Variants in STX6 observed in about 807,000 individuals in gnomAD.
The protein encoded by STX6 is syntaxin-6.
In STX6, 23 loss-of-function variants were observed where a neutral mutation model predicts 38.0. The observed-to-expected ratio is 0.60, with a 90% CI of 0.43 to 0.86. The LOEUF (loss-of-function observed/expected upper bound fraction) is 0.86. Ranked by LOEUF, STX6 falls within the 40% of genes least tolerant of loss-of-function variation. The pLI, the probability that STX6 is intolerant of heterozygous loss-of-function variation, is 0.00. For synonymous variants in STX6, 123 were observed against 107.5 expected, an observed-to-expected ratio of 1.14 and a Z score of -0.89; for missense variants, 274 against 312.9, an observed-to-expected ratio of 0.88 and a Z score of 0.94.
intron 1 of STX6, among the ~76,000 whole-genome samples, chr1:181,011,579 T>G (rs1051833668): frequency 3.9e-5 from 6 of 152,224 alleles, no homozygotes; most frequent in African/African-American, 1.4e-4. Flanking sequence ...CCAGAACCAC[T>G]TGTAAGTACT....
chr1:180,985,306 C>T (rs952387917), intron 6 of STX6, among the ~76,000 whole-genome samples: 3 of 152,214 alleles, frequency 2.0e-5, no homozygotes, highest in African/African-American at 7.2e-5. Flanking sequence ...TACATTGCTA[C>T]CTTCGACAAC....
At chr1:181,010,660 T>C (rs562318572) in intron 1 of STX6, among the ~76,000 whole-genome samples, 1 of 152,070 alleles carries the variant, frequency 6.6e-6, no homozygotes, top group South Asian at 2.1e-4. Flanking sequence ...TTACTGTTAG[T>C]ACAAGCTGAT....
At chr1:180,984,474 A>G (rs895573096) in intron 7 of STX6, among the ~76,000 whole-genome samples, 1 of 151,940 alleles carries the variant, frequency 6.6e-6, no homozygotes, top group African/African-American at 2.4e-5. Context: ...TGAACCCAGG[A>G]GGCAGTGGAG....
At chr1:180,983,349 G>T (rs1655468237) in intron 7 of STX6, among the ~76,000 whole-genome samples, 1 of 152,158 alleles carries the variant, frequency 6.6e-6, no homozygotes, top group Non-Finnish European at 1.5e-5. Flanking sequence ...CACAAGGGAG[G>T]TGCTCTACAG....
Position 180,979,996 on chromosome 1 carries a change from T to C in STX6, c.692-3350A>G, listed in dbSNP as rs1571323554. 2.0e-5 allele frequency among the ~76,000 whole-genome samples: 3 copies of C among 151,994 alleles called. No homozygotes were observed. In the South Asian group the frequency reaches 6.2e-4, roughly 32 times the overall value. ...CCATGGCAGGCAGATCACTTGAGGTTAGGAGTTCAAGACCAGCCTGGCCAA... is the reference window on the plus strand; with the variant it reads ...CCATGGCAGGCAGATCACTTGAGGTCAGGAGTTCAAGACCAGCCTGGCCAA... On this transcript the variant is annotated intron_variant, in intron 7 of 7. Transcript: ENST00000258301.
chr1:180,978,192 C>T (rs573850136), intron 7 of STX6, among the ~76,000 whole-genome samples: 7 of 152,350 alleles, frequency 4.6e-5, no homozygotes, highest in South Asian at 4.1e-4. Flanking sequence ...AGTCATCACT[C>T]TGTCGTAACA....
At chr1:180,976,737 G>T in intron 7 of STX6, 91 bp from the exon 8 acceptor site, 2 of 1,230,154 alleles carry the variant, frequency 1.6e-6, no homozygotes, top group Non-Finnish European at 2.4e-6. Context: ...CTTTGAAGCA[G>T]AAAAGGGGCA....
At chr1:181,019,361 A>C (rs1656660642) in intron 1 of STX6, among the ~76,000 whole-genome samples, 1 of 152,082 alleles carries the variant, frequency 6.6e-6, no homozygotes, top group Non-Finnish European at 1.5e-5. Context: ...AGGAAAAAAA[A>C]AAAAAAAACA....
chr1:180,989,950 C>T, intron 5 of STX6, 34 bp downstream of exon 5: 1 of 1,611,592 alleles, frequency 6.2e-7, no homozygotes, highest in Non-Finnish European at 8.5e-7. Flanking sequence ...TTGTTTCCCA[C>T]TGGCCCGTCC....
At chr1:181,009,312 C>CA (rs1225801281) in intron 1 of STX6, among the ~76,000 whole-genome samples, 4 of 151,430 alleles carry the variant, frequency 2.6e-5, no homozygotes, top group African/African-American at 4.9e-5. Flanking sequence ...ACTAAAAATA[C>CA]AAAAAAATTA....
Position 180,976,529 on chromosome 1 carries a change from G to A in STX6, c.*41C>T, listed in dbSNP as rs1347343822. On this transcript the variant is annotated 3_prime_UTR_variant, in exon 8 of 8. Transcript: ENST00000258301. Reference sequence around the variant, plus strand: ...GTGCTCAGCTTCTCCTCCTCCCCTCGGTTCATATGCAGGAGGAACTCGCAC... The same window carrying A: ...GTGCTCAGCTTCTCCTCCTCCCCTCAGTTCATATGCAGGAGGAACTCGCAC... The A allele has an allele frequency of 3.8e-6, 6 of 1,561,944 alleles. No homozygotes were observed. Among genetic ancestry groups the A allele is most frequent in the East Asian group, 2.2e-5 (1 of 44,638 alleles).
chr1:180,997,015 T>G (rs1655934892), intron 3 of STX6, among the ~76,000 whole-genome samples: 1 of 152,200 alleles, frequency 6.6e-6, no homozygotes, highest in Non-Finnish European at 1.5e-5. Context: ...GGTCAATGAT[T>G]AAATAAATCA....
Position 180,976,538 on chromosome 1 carries a change from G to A in STX6, c.*32C>T, listed in dbSNP as rs371243048. 1.3e-5 allele frequency: 21 copies of A among 1,593,978 alleles called. 1 individual carries two copies. In the African/African-American group the frequency reaches 2.5e-4, roughly 19 times the overall value. On this transcript the variant is annotated 3_prime_UTR_variant, in exon 8 of 8. Transcript: ENST00000258301. Reference sequence around the variant, plus strand: ...TTCTCCTCCTCCCCTCGGTTCATATGCAGGAGGAACTCGCACCCAGAGGCC... The same window carrying A: ...TTCTCCTCCTCCCCTCGGTTCATATACAGGAGGAACTCGCACCCAGAGGCC...
chr1:181,001,552 G>A (rs1182018468), intron 3 of STX6, among the ~76,000 whole-genome samples: 1 of 152,168 alleles, frequency 6.6e-6, no homozygotes, highest in Non-Finnish European at 1.5e-5. Context: ...TGGAACGGCT[G>A]TCAAGTAGTT....
chr1:180,990,074 G>T lies in STX6; in HGVS notation c.399C>A (p.Ser133Arg). The change falls in exon 5 of 8, where the codon AGC becomes AGA. Residue 133 changes from serine to arginine, a missense_variant. Physicochemically the swap from Ser to Arg is moderately radical, Grantham distance 110. Transcript: ENST00000258301. Reference protein sequence around the residue: ...LLGDSGSQNWSTGTTDKYGRL... With the variant: ...LLGDSGSQNWRTGTTDKYGRL... ...GCCCATATTTATCTGTTGTTCCAGT[G>T]CTCCAGTTCTGGCTGCCACTGTCTC... 6.2e-7 allele frequency: 1 copy of T among 1,614,132 alleles called. No individual in the cohort carries two copies. The highest frequency in any genetic ancestry group is 8.5e-7 in the Non-Finnish European group (1 of 1,179,992).
At chr1:181,010,289 T>C (rs1373136084) in intron 1 of STX6, among the ~76,000 whole-genome samples, 1 of 152,164 alleles carries the variant, frequency 6.6e-6, no homozygotes, top group Non-Finnish European at 1.5e-5. Context: ...TTATTAATTT[T>C]TACTGTTTCA....
At chr1:181,008,749 T>TTTTA (rs1553266088) in intron 1 of STX6, among the ~76,000 whole-genome samples, 1 of 149,132 alleles carries the variant, frequency 6.7e-6, no homozygotes, top group Non-Finnish European at 1.5e-5. Context: ...TTTTTTTTTT[T>TTTTA]AAACAAAAGG....
chr1:181,020,019 C>T (rs911817188), intron 1 of STX6, among the ~76,000 whole-genome samples: 5 of 151,998 alleles, frequency 3.3e-5, no homozygotes, highest in Non-Finnish European at 5.9e-5. Flanking sequence ...AAAAATTAGC[C>T]GGGCGTGGTG....
chr1:180,972,738 G>A lies in STX6; in HGVS notation c.*3832C>T, dbSNP rs1026945795. On this transcript the variant is annotated 3_prime_UTR_variant, in exon 8 of 8. Transcript: ENST00000258301. ...TTTCAAGTTGAATTCTTTTCAGGTT[G>A]TTTTATTTTCCTTTTCCGGAGACTT... 2 of 406,624 alleles carry A rather than the reference G, an allele frequency of 4.9e-6. No individual in the cohort carries two copies. Among genetic ancestry groups the A allele is most frequent in the East Asian group, 1.4e-4 (2 of 14,012 alleles). The allele number at this position is 406,624 out of a possible 1,614,324, so 25.2% of individuals were successfully genotyped here. A position where few individuals can be genotyped will look rare whatever the true frequency, so the allele number is the denominator to read the frequency against.
Sources: allele counts gnomAD v4.1 joint callset (sites outside exome capture counted in the v4.1 genomes callset), GRCh38; gene constraint gnomAD v4.1.1; transcripts MANE v1.5; gene names NCBI Gene and HGNC (gene_info 2026-07-23, HGNC 2026-07-21).